The following MYO5A variants were observed in gnomAD, a reference collection of about 807,000 sequenced individuals.
MYO5A encodes unconventional myosin-Va.
In MYO5A, 98 loss-of-function variants were observed where a neutral mutation model predicts 249.7. The observed-to-expected ratio is 0.39, with a 90% confidence interval of 0.33 to 0.46. The LOEUF is 0.46. Among genes scored for constraint, MYO5A ranks in the 20% least tolerant of loss-of-function variants. MYO5A has a pLI of 0.98. For synonymous variants in MYO5A, 778 were observed against 810.6 expected (o/e 0.96, Z 0.68); for missense variants, 1,696 against 2,308.8 (o/e 0.73, Z 5.44).
intron 3 of MYO5A, among the ~76,000 whole-genome samples, chr15:52,427,697 T>C (rs1228037158): frequency 2.6e-5 from 4 of 151,952 alleles, no homozygotes; most frequent in Admixed American, 2.0e-4. Flanking sequence ...CACGAATGAA[T>C]GGAAATCCAG....
At chr15:52,348,735 A>G (rs1245833911) in intron 29 of MYO5A, 83 bp downstream of exon 29, 12 of 1,159,296 alleles carry the variant, frequency 1.0e-5, no homozygotes, top group African/African-American at 3.1e-5. Flanking sequence ...GAAAGCATCA[A>G]TTGCCTTTAT....
intron 1 of MYO5A, among the ~76,000 whole-genome samples, chr15:52,455,156 C>T (rs2076093746): frequency 6.6e-6 from 1 of 151,840 alleles, no homozygotes; most frequent in Non-Finnish European, 1.5e-5. Flanking sequence ...TACAGAAATA[C>T]AAAGAATCAT....
rs16964895 is a variant in MYO5A, at chr15:52,330,308, C to G, written c.4555+45G>C. On this transcript the variant is annotated intron_variant, in intron 35 of 41. Coordinates refer to ENST00000399233, the MANE Select transcript of MYO5A (RefSeq NM_001382347.1). ...AGTGACTAGTTTTTCCCACCATTAA[C>G]CCATGTGCCAGAAGGAACTTTTATC... 2.7e-3 allele frequency: 4,410 copies of G among 1,613,354 alleles called. 88 individuals are homozygous for G. The African/African-American group carries it at 0.051, about 19-fold the overall frequency.
intron 14 of MYO5A, among the ~76,000 whole-genome samples, chr15:52,385,776 A>G (rs769947070): frequency 1.3e-5 from 2 of 152,170 alleles, no homozygotes; most frequent in Non-Finnish European, 2.9e-5. Context: ...CTTCTATCAG[A>G]TGCAGTGAAA....
chr15:52,354,101 A>T lies in MYO5A; in HGVS notation c.3424-87T>A, dbSNP rs975289819. The T allele has an allele frequency of 3.4e-6, 5 of 1,476,310 alleles. No individual in the cohort carries two copies. The African/African-American group carries it at 7.0e-5, about 21-fold the overall frequency. The allele number at this position is 1,476,310 out of a possible 1,614,324, so 91.5% of individuals were successfully genotyped here. A position where few individuals can be genotyped will look rare whatever the true frequency, so the allele number is the denominator to read the frequency against. On this transcript the variant is annotated intron_variant, in intron 25 of 41. Transcript: ENST00000399233. ...AAATGACAAACAGCTCAATGGAAAA[A>T]TAGGCAAACTTACAGAATAAGAAAT...
At chr15:52,497,924 T>A (rs1338648985) in intron 1 of MYO5A, among the ~76,000 whole-genome samples, 1 of 151,846 alleles carries the variant, frequency 6.6e-6, no homozygotes, top group Non-Finnish European at 1.5e-5. Flanking sequence ...ATTCAACATA[T>A]CAAAACCTGA....
Position 52,372,150 on chromosome 15 carries a change from G to C in MYO5A, c.2791C>G (p.Gln931Glu). ...LHIGMENKIM[Q>E]LQRKVDEQNK... Reference sequence around the variant, plus strand: ...TGCTCATCAACTTTGCGCTGCAGCTGCATGATCTTGTTCTCCATGCCGATG... The same window carrying C: ...TGCTCATCAACTTTGCGCTGCAGCTCCATGATCTTGTTCTCCATGCCGATG... Residue 931 changes from glutamine to glutamate, a missense_variant, in exon 21 of 42, where the codon CAG becomes GAG. Physicochemically the swap from Gln to Glu is conservative, Grantham distance 29 (BLOSUM62 2). Coordinates refer to ENST00000399233, the MANE Select transcript of MYO5A (RefSeq NM_001382347.1). 6.2e-7 allele frequency: 1 copy of C among 1,613,696 alleles called. No individual in the cohort carries two copies. The highest frequency in any genetic ancestry group is 8.5e-7 in the Non-Finnish European group (1 of 1,180,006).
chr15:52,375,415 T>C lies in MYO5A; in HGVS notation c.2466A>G (p.Gln822=). ...GGACCACATACATGCGCCAGTACTT[T>C]TGAATGATGGTTGCTGCCTTGGTTC... is the stretch of plus-strand genomic sequence containing the variant. ...LRRTKAATII[Q]KYWRMYVVRR... is the part of the protein sequence containing the mutation. The change falls in exon 20 of 42, where the codon CAA becomes CAG. Residue 822 remains glutamine, a synonymous_variant. Transcript: ENST00000399233. The C allele has an allele frequency of 6.2e-7, 1 of 1,614,170 alleles. No homozygotes were observed. Among genetic ancestry groups the C allele is most frequent in the Non-Finnish European group, 8.5e-7 (1 of 1,180,014 alleles).
chr15:52,506,156 C>A (rs1443404192), intron 1 of MYO5A, among the ~76,000 whole-genome samples: 1 of 152,094 alleles, frequency 6.6e-6, no homozygotes, highest in East Asian at 1.9e-4. Context: ...TCGAGACCAT[C>A]TTGGCTAACG....
chr15:52,374,270 C>G (rs1035776483), intron 20 of MYO5A, among the ~76,000 whole-genome samples: 18 of 152,168 alleles, frequency 1.2e-4, no homozygotes. Context: ...TTGTATCTGT[C>G]AATACAATTT....
At position 52,528,857 on chromosome 15, in the gene MYO5A, C is replaced by T; in HGVS notation, c.-51G>A. ...CCGCCTGTGCGGAGGCCGCACCTCG[C>T]CTGGGCGGCCGCCCGAGCGGACTAG... is the stretch of plus-strand genomic sequence containing the variant. On this transcript the variant is annotated 5_prime_UTR_variant, in exon 1 of 42. Coordinates refer to ENST00000399233, the MANE Select transcript of MYO5A (RefSeq NM_001382347.1). The T allele has an allele frequency of 1.4e-6, 2 of 1,429,552 alleles. No homozygotes were observed. Among genetic ancestry groups the T allele is most frequent in the South Asian group, 2.8e-5 (2 of 71,144 alleles). 88.6% of individuals were successfully genotyped at this position (1,429,552 alleles called of 1,614,324 possible).
intron 28 of MYO5A, 129 bp from the exon 29 acceptor site, chr15:52,348,955 TTCTC>T (rs2039801427): frequency 5.2e-6 from 5 of 959,634 alleles, no homozygotes; most frequent in Non-Finnish European, 7.9e-6. Context: ...CATGAGTTGT[TTCTC>T]TAAAATTAAC....
intron 5 of MYO5A, among the ~76,000 whole-genome samples, chr15:52,411,033 G>A (rs1050542524): frequency 1.5e-4 from 23 of 152,176 alleles, no homozygotes; most frequent in Non-Finnish European, 1.5e-5. Flanking sequence ...TGAACTCAGA[G>A]GTTAGAATAT....
rs1012488664 is a variant in MYO5A at position 52,397,138 on chromosome 15, A to G, written c.1319+63T>C. 11 of 1,572,982 alleles carry G rather than the reference A, an allele frequency of 7.0e-6. No homozygotes were observed. The East Asian group carries it at 2.5e-4, about 35-fold the overall frequency. ...GAAACAGAATCAAATGCCCACTTAG[A>G]GTTACTAGATAAGTTCTAGAAAGAA... On this transcript the variant is annotated intron_variant, in intron 10 of 41. Transcript: ENST00000399233.
chr15:52,527,471 A>G (rs765587266), intron 1 of MYO5A, among the ~76,000 whole-genome samples: 1 of 152,250 alleles, frequency 6.6e-6, no homozygotes, highest in Non-Finnish European at 1.5e-5. Flanking sequence ...AAGAGGTCTC[A>G]GACAATGTTT....
intron 1 of MYO5A, among the ~76,000 whole-genome samples, chr15:52,470,880 G>A (rs867000589): frequency 4.0e-5 from 6 of 151,566 alleles, no homozygotes; most frequent in South Asian, 4.2e-4. Flanking sequence ...AAAATTAGCC[G>A]GGCATGGTGA....
At chr15:52,502,578 G>T (rs1334636921) in intron 1 of MYO5A, among the ~76,000 whole-genome samples, 1 of 152,142 alleles carries the variant, frequency 6.6e-6, no homozygotes, top group Non-Finnish European at 1.5e-5. Flanking sequence ...ATCTATAGAA[G>T]TGTCTGATCA....
At chr15:52,487,402 C>G (rs2076844195) in intron 1 of MYO5A, among the ~76,000 whole-genome samples, 1 of 151,252 alleles carries the variant, frequency 6.6e-6, no homozygotes, top group Non-Finnish European at 1.5e-5. Flanking sequence ...GGCAACAGAG[C>G]AGACCCTGTC....
chr15:52,459,308 C>G (rs549020144), intron 1 of MYO5A, among the ~76,000 whole-genome samples: 3 of 151,858 alleles, frequency 2.0e-5, no homozygotes, highest in Non-Finnish European at 4.4e-5. Context: ...AGGGCCCTGC[C>G]GCCTTCCACC....
Sources: gnomAD v4.1 joint callset for allele counts (sites outside exome capture counted in the v4.1 genomes callset) on GRCh38, gnomAD v4.1.1 for gene constraint, MANE v1.5 for transcripts, NCBI Gene and HGNC (gene_info 2026-07-23, HGNC 2026-07-21) for gene names.